SLC6A16: variants seen among roughly 807,000 people sequenced by gnomAD.
SLC6A16 encodes solute carrier family 6 member 16.
SLC6A16 carries 54 observed loss-of-function variants against 65.4 expected under a neutral mutation model. That is an observed-to-expected ratio of 0.83 (90% CI 0.66 to 1.04). The LOEUF is 1.04. Ranked by LOEUF, SLC6A16 falls within the 50% of genes least tolerant of loss-of-function variation. SLC6A16 has a pLI of 0.00. For synonymous variants in SLC6A16, 330 were observed against 346.5 expected (o/e 0.95, Z 0.53); for missense variants, 816 against 914.0 (o/e 0.89, Z 1.38).
chr19:49,293,381 C>A lies in SLC6A16; in HGVS notation c.1620G>T (p.Val540=). 1 of 1,614,012 alleles carries A rather than the reference C, an allele frequency of 6.2e-7. No homozygotes were observed. The highest frequency in any genetic ancestry group is 8.5e-7 in the Non-Finnish European group (1 of 1,179,986). ...FFRKHTKLLI[V]GVFLLMFVCG... ...ACACGAACATGAGCAAAAAGACTCC[C>A]ACTGGAGAAAACATGAGATCTGGAT... The change falls in exon 10 of 12, where the codon GTG becomes GTT. Residue 540 remains valine, a splice_region_variant and synonymous_variant. Coordinates refer to ENST00000335875, the MANE Select transcript of SLC6A16 (RefSeq NM_014037.3).
At chr19:49,339,659 T>C in the SLC6A16 span, 2 of 1,428,158 alleles carry the variant, frequency 1.4e-6, no homozygotes, top group South Asian at 3.0e-5. This position sits in a 1 kb window ranked among gnomAD's most constrained non-coding sequence, Gnocchi z 4.5. Flanking sequence ...TCTCCGCAGA[T>C]GACTGTCATG....
intron 1 of SLC6A16, among the ~76,000 whole-genome samples, chr19:49,320,554 A>G (rs1970694245): frequency 6.6e-6 from 1 of 152,148 alleles, no homozygotes. Context: ...AGAGAATAGA[A>G]AAACAATAGA....
At chr19:49,300,019 A>G (rs2146093233) in intron 7 of SLC6A16, among the ~76,000 whole-genome samples, 1 of 151,254 alleles carries the variant, frequency 6.6e-6, no homozygotes, top group Admixed American at 6.6e-5. Context: ...AAAAAAAAAA[A>G]GAGAGTAATT....
chr19:49,318,861 A>G (rs531914224), intron 1 of SLC6A16, among the ~76,000 whole-genome samples: 12 of 138,222 alleles, frequency 8.7e-5, no homozygotes, highest in Admixed American at 8.6e-4. Context: ...CACCACCACA[A>G]CTGGCTATTT....
At position 49,293,830 on chromosome 19, in the gene SLC6A16, T is replaced by C; in HGVS notation, c.1615A>G (p.Ile539Val). The change falls in exon 9 of 12, where the codon ATA (isoleucine) becomes GTA (valine). Residue 539 changes from isoleucine (I) to valine (V), a missense_variant. Physicochemically the swap from Ile to Val is conservative, Grantham distance 29. Transcript: ENST00000335875. ...AGTAGGGCCTAGGTCAGAGTACCTATGAGCAGCTTTGTATGTTTCCTGAAG... is the reference window on the plus strand; with the variant it reads ...AGTAGGGCCTAGGTCAGAGTACCTACGAGCAGCTTTGTATGTTTCCTGAAG... ...SFFRKHTKLL[I>V]VGVFLLMFVC... The C allele has an allele frequency of 6.2e-7, 1 of 1,613,692 alleles. No individual in the cohort carries two copies. The highest frequency in any genetic ancestry group is 8.5e-7 in the Non-Finnish European group (1 of 1,179,754).
chr19:49,338,986 G>A, the SLC6A16 span: 1 of 1,409,666 alleles, frequency 7.1e-7, no homozygotes. This position sits in a 1 kb window ranked among gnomAD's most constrained non-coding sequence, Gnocchi z 5.0. Flanking sequence ...GGGGCCTGCG[G>A]GAGGGGGAGG....
In SLC6A16 at chr19:49,322,817, C is replaced by CTTTTTT. The variant is rs536909742; in HGVS notation, c.-65+2225_-65+2230dup. ...CCAAAGCAATCTACAGAATTAGTAG[C>CTTTTTT]TTTTTTTTTTTTTTTTTTTTTTTTT... On this transcript the variant is annotated intron_variant, in intron 1 of 11. Coordinates refer to ENST00000335875, the MANE Select transcript of SLC6A16 (RefSeq NM_014037.3). Among the ~76,000 whole-genome samples, 2 of 42,006 alleles carry CTTTTTT rather than the reference C, an allele frequency of 4.8e-5. 1 individual carries two copies. Among genetic ancestry groups the CTTTTTT allele is most frequent in the Non-Finnish European group, 9.0e-5 (2 of 22,318 alleles). 27.6% of individuals were successfully genotyped at this position (42,006 alleles called of 152,430 possible).
intron 8 of SLC6A16, 85 bp downstream of exon 8, chr19:49,294,282 T>G: frequency 7.5e-7 from 1 of 1,326,236 alleles, no homozygotes; most frequent in Non-Finnish European, 1.1e-6. Context: ...CCGGGATTTT[T>G]GCTGGTGCTA....
intron 7 of SLC6A16, among the ~76,000 whole-genome samples, chr19:49,307,020 C>T (rs2569381): frequency 0.79 from 111,109 of 141,230 alleles, 44,355 homozygotes; most frequent in African/African-American, 0.92. Flanking sequence ...GTTTACTTCA[C>T]GGTTCGTTAC....
rs527770003 is a variant in SLC6A16 at position 49,294,521 on chromosome 19, A to G, written c.1262T>C (p.Leu421Pro). The change falls in exon 8 of 12, where the codon CTA (leucine) becomes CCA (proline). Residue 421 changes from leucine to proline, a missense_variant. Coordinates refer to ENST00000335875, the MANE Select transcript of SLC6A16 (RefSeq NM_014037.3). The part of the protein sequence containing the change: ...NAEILLKLIN[L>P]GKLPPDAKPP... ...CTTGGCATCAGGAGGCAGTTTCCCT[A>G]GGTTTATCAGCTTTAAAAGTATTTC... The G allele has an allele frequency of 4.3e-6, 7 of 1,612,944 alleles. No individual in the cohort carries two copies. The East Asian group carries it at 1.3e-4, about 31-fold the overall frequency.
chr19:49,317,662 C>T (rs1311624990), intron 1 of SLC6A16, among the ~76,000 whole-genome samples: 1 of 151,872 alleles, frequency 6.6e-6, no homozygotes, highest in African/African-American at 2.4e-5. Context: ...AAAAATTAGC[C>T]GGGCATGGTG....
At chr19:49,320,777 G>A (rs1027160668) in intron 1 of SLC6A16, among the ~76,000 whole-genome samples, 7 of 152,086 alleles carry the variant, frequency 4.6e-5, no homozygotes, top group Non-Finnish European at 1.0e-4. Context: ...AGATTAAATG[G>A]ACAAATTCCT....
intron 8 of SLC6A16, 147 bp downstream of exon 8, chr19:49,294,220 C>T (rs1970139260): frequency 6.6e-6 from 6 of 906,468 alleles, no homozygotes; most frequent in South Asian, 3.5e-5. Context: ...AAGGCCATTC[C>T]GCAAAGTATA....
chr19:49,290,224 G>T lies in SLC6A16; in HGVS notation c.2110C>A (p.Pro704Thr). The T allele has an allele frequency of 1.2e-6, 2 of 1,614,172 alleles. No homozygotes were observed. The highest frequency in any genetic ancestry group is 1.7e-6 in the Non-Finnish European group (2 of 1,180,028). The part of the protein sequence containing the change: ...DGPMTASTSL[P>T]LSHQLTPSKE... ...CTGGGTGTTAGCTGGTGACTTAGGG[G>T]TAGGGATGTGGAGGCTGTCATAGGC... Residue 704 changes from proline to threonine, a missense_variant, in exon 12 of 12, where the codon CCC becomes ACC. Coordinates refer to ENST00000335875, the MANE Select transcript of SLC6A16 (RefSeq NM_014037.3).
At chr19:49,309,851 G>A in intron 4 of SLC6A16, 25 bp from the exon 5 acceptor site, 1 of 1,602,676 alleles carries the variant, frequency 6.2e-7, no homozygotes, top group South Asian at 1.1e-5. Flanking sequence ...CTTTAGACAT[G>A]CCTGCTAGAC....
At position 49,309,018 on chromosome 19, in the gene SLC6A16, A is replaced by G. The variant is rs1224216528; in HGVS notation, c.1087T>C (p.Tyr363His). 4 of 1,614,162 alleles carry G rather than the reference A, an allele frequency of 2.5e-6. No individual in the cohort carries two copies. Among genetic ancestry groups the G allele is most frequent in the Admixed American group, 1.7e-5 (1 of 60,028 alleles). Residue 363 changes from tyrosine (Y) to histidine (H), a missense_variant, in exon 7 of 12, where the codon TAC (tyrosine) becomes CAC (histidine). Physicochemically the swap from Tyr to His is moderately conservative, Grantham distance 83. Coordinates refer to ENST00000335875, the MANE Select transcript of SLC6A16 (RefSeq NM_014037.3). ...AGACAGTTGTTGGACTGGGGCATGT[A>G]GGAGGCTAAGGAGGCAACGGAGCCA... ...GLGSVASLASYMPQSNNCLSD... is the reference protein window; with the variant it reads ...GLGSVASLASHMPQSNNCLSD...
the SLC6A16 span, chr19:49,338,729 G>A: frequency 6.2e-6 from 10 of 1,612,788 alleles, no homozygotes; most frequent in South Asian, 1.1e-5. The surrounding 1 kb of genome is among the most constrained non-coding windows in gnomAD (Gnocchi z 5.0). Flanking sequence ...ACTACCCGCA[G>A]GACTGGTTCC....
Position 49,310,916 on chromosome 19 carries a change from C to T in SLC6A16, c.415+17G>A, listed in dbSNP as rs371847837. On this transcript the variant is annotated intron_variant, in intron 2 of 11. Transcript: ENST00000335875. Reference sequence around the variant, plus strand: ...ATTGCCCCTTGTGGACCCAGGTTTCCTGGTCCCCAGACTTACAGCCTCCAC... The same window carrying T: ...ATTGCCCCTTGTGGACCCAGGTTTCTTGGTCCCCAGACTTACAGCCTCCAC... 60 of 1,589,918 alleles carry T rather than the reference C, an allele frequency of 3.8e-5. No individual in the cohort carries two copies. The highest frequency in any genetic ancestry group is 5.2e-5 in the Non-Finnish European group (60 of 1,163,516).
chr19:49,332,474 C>T, the SLC6A16 span, among the ~76,000 whole-genome samples: 1 of 152,144 alleles, frequency 6.6e-6, no homozygotes, highest in African/African-American at 2.4e-5. Context: ...CAGAGAATTG[C>T]TTGAACCTGG....
Sources: gnomAD v4.1 joint callset for allele counts (sites outside exome capture counted in the v4.1 genomes callset) on GRCh38, gnomAD v4.1.1 for gene constraint, Gnocchi (gnomAD v3.1) non-coding constraint, MANE v1.5 for transcripts, NCBI Gene and HGNC (gene_info 2026-07-23, HGNC 2026-07-21) for gene names.